Variants in RGS6 observed in about 807,000 individuals in gnomAD.
The protein encoded by RGS6 is regulator of G protein signaling 6, also known as regulator of G-protein signaling 6.
In RGS6, 30 loss-of-function variants were observed where a neutral mutation model predicts 78.5. That is an observed-to-expected ratio of 0.38 (90% confidence interval 0.29 to 0.52). The LOEUF is 0.52. Among genes scored for constraint, RGS6 ranks in the 20% least tolerant of loss-of-function variants. RGS6 has a pLI of 0.85. For missense variants in RGS6, 495 were observed against 609.7 expected, an observed-to-expected ratio of 0.81 and a Z score of 1.98; for synonymous variants, 206 against 206.0, an observed-to-expected ratio of 1.00 and a Z score of 0.00.
chr14:72,528,999 A>G (rs1283785347), intron 15 of RGS6, among the ~76,000 whole-genome samples: 3 of 152,234 alleles, frequency 2.0e-5, no homozygotes, highest in African/African-American at 4.8e-5. Flanking sequence ...CCTGAGTCCA[A>G]TCTTAATTCT....
chr14:72,229,901 C>G (rs847310), intron 2 of RGS6, among the ~76,000 whole-genome samples: 47,687 of 152,166 alleles, frequency 0.31, 8,809 homozygotes, highest in South Asian at 0.46. Flanking sequence ...GCATAAGACT[C>G]GCTTCTCCAC....
intron 2 of RGS6, among the ~76,000 whole-genome samples, chr14:72,174,596 C>T (rs767691951): frequency 7.2e-5 from 11 of 152,166 alleles, no homozygotes; most frequent in Non-Finnish European, 1.5e-4. Flanking sequence ...ACTTGCCATC[C>T]CAATATCTAG....
chr14:72,552,946 ACT>A (rs1432612198), intron 17 of RGS6, among the ~76,000 whole-genome samples: 3 of 151,820 alleles, frequency 2.0e-5, no homozygotes, highest in Admixed American at 6.6e-5. Flanking sequence ...CTGATAGAAA[ACT>A]CTACAGCCAA....
At chr14:72,304,684 G>C (rs1483732930) in intron 2 of RGS6, among the ~76,000 whole-genome samples, 1 of 152,044 alleles carries the variant, frequency 6.6e-6, no homozygotes, top group Non-Finnish European at 1.5e-5. Context: ...TTCGAGACCA[G>C]CCTGACCAAT....
At chr14:72,449,965 C>A (rs768580127) in intron 3 of RGS6, among the ~76,000 whole-genome samples, 1 of 152,212 alleles carries the variant, frequency 6.6e-6, no homozygotes, top group Admixed American at 6.5e-5. Context: ...CAGAGGCCAG[C>A]TCTTTCTTCT....
chr14:72,129,315 C>T (rs945655454), intron 2 of RGS6, among the ~76,000 whole-genome samples: 4 of 152,160 alleles, frequency 2.6e-5, no homozygotes, highest in African/African-American at 9.7e-5. Context: ...TCATCTGTGC[C>T]CTCAGTCCCT....
intron 2 of RGS6, among the ~76,000 whole-genome samples, chr14:72,215,632 A>G (rs1044545667): frequency 2.0e-5 from 3 of 152,140 alleles, no homozygotes; most frequent in Admixed American, 6.6e-5. Context: ...GCAACTTAGA[A>G]CTTTTTAAAA....
At chr14:72,323,737 G>A (rs1316938550) in intron 2 of RGS6, among the ~76,000 whole-genome samples, 1 of 136,458 alleles carries the variant, frequency 7.3e-6, no homozygotes, top group Non-Finnish European at 1.5e-5. Flanking sequence ...GGGAGGCGGA[G>A]GTTGCAGTGA....
chr14:72,033,053 C>T (rs1341954468), intron 2 of RGS6, among the ~76,000 whole-genome samples: 1 of 152,134 alleles, frequency 6.6e-6, no homozygotes, highest in East Asian at 1.9e-4. Context: ...TACAACTAAC[C>T]AATTAAGCAC....
At chr14:72,560,986 C>G (rs1426452099) in intron 17 of RGS6, among the ~76,000 whole-genome samples, 3 of 152,078 alleles carry the variant, frequency 2.0e-5, no homozygotes. Context: ...GGACAAACTC[C>G]CATCTATAGC....
At chr14:72,114,952 C>G (rs1228638960) in intron 2 of RGS6, among the ~76,000 whole-genome samples, 1 of 152,200 alleles carries the variant, frequency 6.6e-6, no homozygotes, top group Non-Finnish European at 1.5e-5. Flanking sequence ...GCACATCCAG[C>G]CTGTTTTGTG....
the RGS6 span, among the ~76,000 whole-genome samples, chr14:72,601,947 G>A: frequency 6.6e-6 from 1 of 152,224 alleles, no homozygotes. Context: ...CACAGTGTCT[G>A]GGGGCGCTTG....
At chr14:72,221,315 A>G (rs988912341) in intron 2 of RGS6, among the ~76,000 whole-genome samples, 9 of 152,176 alleles carry the variant, frequency 5.9e-5, no homozygotes, top group African/African-American at 1.9e-4. Context: ...TGTTTTTGCA[A>G]TGGCTCTAGT....
chr14:72,220,758 G>A (rs563530478), intron 2 of RGS6, among the ~76,000 whole-genome samples: 19 of 152,252 alleles, frequency 1.2e-4, no homozygotes, highest in South Asian at 1.0e-3. Flanking sequence ...AAAGAATATC[G>A]TCTTTTATAG....
At chr14:72,573,846 T>G in the RGS6 span, among the ~76,000 whole-genome samples, 2 of 152,140 alleles carry the variant, frequency 1.3e-5, no homozygotes, top group Non-Finnish European at 2.9e-5. Flanking sequence ...TACACACACA[T>G]GCACGTGCAC....
chr14:72,506,428 T>G (rs1202678260), intron 13 of RGS6, among the ~76,000 whole-genome samples: 1 of 152,350 alleles, frequency 6.6e-6, no homozygotes, highest in East Asian at 1.9e-4. Flanking sequence ...TGTTGAAAGA[T>G]ATTTTAATTT....
chr14:71,988,150 T>C (rs191564328), intron 2 of RGS6, among the ~76,000 whole-genome samples: 16 of 152,322 alleles, frequency 1.1e-4, no homozygotes, highest in African/African-American at 3.8e-4. Context: ...TCAAGGTAGA[T>C]GAGCCCTTCG....
At chr14:72,325,825 G>C (rs1230296454) in intron 2 of RGS6, among the ~76,000 whole-genome samples, 1 of 152,004 alleles carries the variant, frequency 6.6e-6, no homozygotes, top group Non-Finnish European at 1.5e-5. Context: ...AGACTACTGA[G>C]AGATGCTGAT....
At chr14:72,082,844 G>A (rs1305769335) in intron 2 of RGS6, among the ~76,000 whole-genome samples, 1 of 152,048 alleles carries the variant, frequency 6.6e-6, no homozygotes, top group Non-Finnish European at 1.5e-5. Flanking sequence ...CAATGCAATA[G>A]GGATACTACA....
Sources: allele counts gnomAD v4.1 joint callset (sites outside exome capture counted in the v4.1 genomes callset), GRCh38; gene constraint gnomAD v4.1.1; transcripts MANE v1.5; gene names NCBI Gene and HGNC (gene_info 2026-07-23, HGNC 2026-07-21).